Variants in OVCH1 observed in about 807,000 individuals in gnomAD.
The protein encoded by OVCH1 is ovochymase-1.
Under a neutral mutation model 138.4 loss-of-function variants are expected in OVCH1, and 139 were observed. The ratio of observed to expected loss-of-function variants is 1.00; its 90% CI spans 0.87 to 1.16. The LOEUF (loss-of-function observed/expected upper bound fraction) is 1.16. Among genes scored for constraint, OVCH1 ranks in the 50% most tolerant of loss-of-function variants. The pLI, the probability that OVCH1 is intolerant of heterozygous loss-of-function variation, is 0.00. For synonymous variants in OVCH1, 453 were observed against 467.8 expected (o/e 0.97, Z 0.41); for missense variants, 1,367 against 1,357.9 (o/e 1.01, Z -0.11).
chr12:29,486,151 A>T, intron 8 of OVCH1, 99 bp downstream of exon 8: 1 of 1,195,780 alleles, frequency 8.4e-7, no homozygotes. Context: ...AAAAATTTAA[A>T]TAAAACTCAG....
chr12:29,477,195 T>A, exon 12 of OVCH1: 1 of 1,613,824 alleles, frequency 6.2e-7, no homozygotes, highest in Non-Finnish European at 8.5e-7. Context: ...GATTTGTCCC[T>A]TCTTCTACCA....
chr12:29,457,729 T>G (rs896434564), intron 19 of OVCH1, among the ~76,000 whole-genome samples: 14 of 152,176 alleles, frequency 9.2e-5, no homozygotes, highest in Admixed American at 6.5e-5. Flanking sequence ...TATTAAAAAA[T>G]TATTCAATGC....
chr12:29,432,962 A>C (rs143654151), intron 27 of OVCH1, among the ~76,000 whole-genome samples: 2 of 152,272 alleles, frequency 1.3e-5, no homozygotes, highest in African/African-American at 4.8e-5. Context: ...AATGGTAGGA[A>C]AAAAATAAAG....
intron 14 of OVCH1, among the ~76,000 whole-genome samples, 200 bp from the exon 15 acceptor site, chr12:29,473,303 A>C (rs775805500): frequency 6.6e-6 from 1 of 151,852 alleles, no homozygotes; most frequent in African/African-American, 2.4e-5. Flanking sequence ...TCTTTTAAGC[A>C]CTTCTTCCTT....
At chr12:29,409,293 G>C (rs1940922696), downstream of OVCH1, among the ~76,000 whole-genome samples, 1 of 152,070 alleles carries the variant, frequency 6.6e-6, no homozygotes, top group East Asian at 1.9e-4. Flanking sequence ...AGGGTTTTTT[G>C]TGTTTCTATT....
intron 8 of OVCH1, among the ~76,000 whole-genome samples, chr12:29,480,902 C>T (rs1463213119): frequency 6.6e-6 from 1 of 152,172 alleles, no homozygotes; most frequent in Non-Finnish European, 1.5e-5. Flanking sequence ...GCCCTATACT[C>T]GTTTCTAAAG....
chr12:29,438,948 A>G (rs762904962), intron 26 of OVCH1, among the ~76,000 whole-genome samples: 2 of 152,212 alleles, frequency 1.3e-5, no homozygotes, highest in Non-Finnish European at 2.9e-5. Context: ...TTGAGAGTAT[A>G]CCATCCTGGT....
chr12:29,444,437 C>T (rs939626687), intron 23 of OVCH1, among the ~76,000 whole-genome samples, 157 bp from the exon 24 acceptor site: 3 of 151,872 alleles, frequency 2.0e-5, no homozygotes, highest in South Asian at 2.1e-4. Context: ...AAATTTTCTC[C>T]GTCTTAAATA....
chr12:29,458,754 T>A (rs901964491), intron 19 of OVCH1, among the ~76,000 whole-genome samples: 2 of 152,144 alleles, frequency 1.3e-5, no homozygotes, highest in African/African-American at 4.8e-5. Flanking sequence ...GTGAGATTAA[T>A]AACCAGAATA....
chr12:29,442,289 G>T (rs1941505819), intron 25 of OVCH1, among the ~76,000 whole-genome samples: 2 of 151,426 alleles, frequency 1.3e-5, no homozygotes, highest in Non-Finnish European at 2.9e-5. Flanking sequence ...ATATTATGCA[G>T]CCATAAAAAA....
intron 16 of OVCH1, among the ~76,000 whole-genome samples, chr12:29,466,370 GA>G (rs199856349): frequency 0.014 from 2,030 of 141,474 alleles, 43 homozygotes; most frequent in African/African-American, 0.055. Flanking sequence ...ATCTTTGCAA[GA>G]AAAAAAGAAT....
At chr12:29,424,435 A>G (rs11050228), downstream of OVCH1, among the ~76,000 whole-genome samples, 6,600 of 152,166 alleles carry the variant, frequency 0.043, 447 homozygotes, top group African/African-American at 0.14. Context: ...GGGCCAGTTC[A>G]TGGCCAGATT....
chr12:29,428,661 G>GAAC (rs1050500348), intron 27 of OVCH1, among the ~76,000 whole-genome samples: 2 of 152,142 alleles, frequency 1.3e-5, no homozygotes, highest in African/African-American at 4.8e-5. Flanking sequence ...GGCAACTTTG[G>GAAC]AACTTCAAAG....
chr12:29,475,683 C>A (rs1942682400), intron 13 of OVCH1, among the ~76,000 whole-genome samples: 1 of 152,100 alleles, frequency 6.6e-6, no homozygotes, highest in Non-Finnish European at 1.5e-5. Flanking sequence ...GCCTCTAACC[C>A]ACAAAAACAT....
chr12:29,413,373 T>C (rs190380816), intron 3 of OVCH1, among the ~76,000 whole-genome samples: 42 of 152,296 alleles, frequency 2.8e-4, no homozygotes, highest in Admixed American at 2.0e-3. Flanking sequence ...TTTTTCCATG[T>C]GCCTCTAGGA....
chr12:29,404,399 G>A, the OVCH1 span, among the ~76,000 whole-genome samples: 1 of 152,186 alleles, frequency 6.6e-6, no homozygotes. Flanking sequence ...AACCCCAACT[G>A]CAGAGGATGG....
In OVCH1 at chr12:29,464,718, G is replaced by C; in HGVS notation, c.1930-16C>G. On this transcript the variant is annotated splice_polypyrimidine_tract_variant and intron_variant, in intron 17 of 27. Transcript: ENST00000318184. ...CCCTTCTCACCTGTATCGGTGGCAA[G>C]TAAGCAAATTACAACGTAAGAAAGT... 6.3e-7 allele frequency: 1 copy of C among 1,596,642 alleles called. No homozygotes were observed. Among genetic ancestry groups the C allele is most frequent in the African/African-American group, 1.3e-5 (1 of 74,154 alleles).
chr12:29,413,270 A>C (rs1940984327), intron 3 of OVCH1, among the ~76,000 whole-genome samples: 1 of 152,134 alleles, frequency 6.6e-6, no homozygotes, highest in Non-Finnish European at 1.5e-5. Flanking sequence ...GTATTACCAT[A>C]TCCTCCCACG....
At chr12:29,486,288 C>T in exon 8 of OVCH1, 1 of 1,613,882 alleles carries the variant, frequency 6.2e-7, no homozygotes, top group Non-Finnish European at 8.5e-7. Flanking sequence ...TTGGACAGAA[C>T]TCAGGGCCTT....
Sources: gnomAD v4.1 joint callset for allele counts (sites outside exome capture counted in the v4.1 genomes callset) on GRCh38, gnomAD v4.1.1 for gene constraint, MANE v1.5 for transcripts, NCBI Gene and HGNC (gene_info 2026-07-23, HGNC 2026-07-21) for gene names.